CSMD3: variants seen among roughly 807,000 people sequenced by gnomAD.
The protein encoded by CSMD3 is CUB and sushi domain-containing protein 3.
CSMD3 carries 177 observed loss-of-function variants against 435.2 expected under a neutral mutation model. The observed-to-expected ratio is 0.41, with a 90% CI of 0.36 to 0.46. The LOEUF (loss-of-function observed/expected upper bound fraction) is 0.46, where lower values mean the gene tolerates loss of function less well. Among genes scored for constraint, CSMD3 ranks in the 20% least tolerant of loss-of-function variants. The pLI is 0.34. For missense variants in CSMD3, 4,265 were observed against 4,504.6 expected (o/e 0.95, Z 1.52); for synonymous variants, 1,656 against 1,520.5 (o/e 1.09, Z -2.07).
chr8:112,377,976 T>C (rs946736164), intron 38 of CSMD3, among the ~76,000 whole-genome samples: 2 of 152,036 alleles, frequency 1.3e-5, no homozygotes, highest in African/African-American at 4.8e-5. Flanking sequence ...CTAATCAAAA[T>C]ACTACTGGAA....
chr8:113,393,728 T>C (rs1263277556), intron 1 of CSMD3, among the ~76,000 whole-genome samples: 1 of 152,118 alleles, frequency 6.6e-6, no homozygotes, highest in Non-Finnish European at 1.5e-5. Flanking sequence ...AAAATAGTTT[T>C]ATTTGTGTTA....
intron 45 of CSMD3, among the ~76,000 whole-genome samples, chr8:112,326,502 A>C (rs1205459374): frequency 2.0e-5 from 3 of 152,184 alleles, no homozygotes; most frequent in Non-Finnish European, 4.4e-5. Flanking sequence ...AAAATATTAT[A>C]AAGTGCTTAG....
chr8:113,145,643 T>C (rs1276364567), intron 4 of CSMD3, among the ~76,000 whole-genome samples: 4 of 151,686 alleles, frequency 2.6e-5, no homozygotes. Context: ...GTTTACTTAA[T>C]AATATCTTAT....
intron 42 of CSMD3, among the ~76,000 whole-genome samples, chr8:112,337,995 T>C (rs1244099751): frequency 1.3e-5 from 2 of 152,214 alleles, no homozygotes; most frequent in African/African-American, 4.8e-5. Flanking sequence ...AACTAAATTA[T>C]GTTTTAATGA....
At chr8:112,690,433 T>G (rs1012166714) in intron 13 of CSMD3, among the ~76,000 whole-genome samples, 1 of 151,994 alleles carries the variant, frequency 6.6e-6, no homozygotes, top group African/African-American at 2.4e-5. Context: ...CTTATTCTTG[T>G]CATTTCTACA....
chr8:113,093,404 C>T (rs540365655), intron 5 of CSMD3, among the ~76,000 whole-genome samples: 1 of 152,180 alleles, frequency 6.6e-6, no homozygotes, highest in East Asian at 1.9e-4. Flanking sequence ...AAAGAAAAGA[C>T]ATCCCAGTGA....
At chr8:112,756,010 G>T (rs2077689610) in intron 13 of CSMD3, among the ~76,000 whole-genome samples, 1 of 151,862 alleles carries the variant, frequency 6.6e-6, no homozygotes, top group Non-Finnish European at 1.5e-5. Context: ...AATGGAATTG[G>T]TGCTACATAT....
Position 112,957,530 on chromosome 8 carries a change from T to C in CSMD3, c.1343-2769A>G, listed in dbSNP as rs556402596. Among the ~76,000 whole-genome samples the C allele has an allele frequency of 2.6e-5, 4 of 151,876 alleles. No individual in the cohort carries two copies. In the South Asian group the frequency reaches 6.2e-4, roughly 24 times the overall value. On this transcript the variant is annotated intron_variant, in intron 7 of 70. Coordinates refer to ENST00000297405, the MANE Select transcript of CSMD3 (RefSeq NM_198123.2). ...GTGCAGTGGCGCGATCTCGGCTCACTGGAACCTCCGTCCCCCGGATTCAAG... is the reference window on the plus strand; with the variant it reads ...GTGCAGTGGCGCGATCTCGGCTCACCGGAACCTCCGTCCCCCGGATTCAAG...
At chr8:113,404,826 T>C (rs1178698065) in intron 1 of CSMD3, among the ~76,000 whole-genome samples, 2 of 151,402 alleles carry the variant, frequency 1.3e-5, no homozygotes, top group African/African-American at 4.8e-5. Context: ...ATAATTCAAT[T>C]AAGAAATTAT....
intron 13 of CSMD3, among the ~76,000 whole-genome samples, chr8:112,714,159 T>G (rs1254981230): frequency 6.6e-6 from 1 of 151,844 alleles, no homozygotes; most frequent in Non-Finnish European, 1.5e-5. Flanking sequence ...CCCATCAGTG[T>G]GCTGTATTCA....
At chr8:113,401,030 A>G (rs898580320) in intron 1 of CSMD3, among the ~76,000 whole-genome samples, 3 of 151,822 alleles carry the variant, frequency 2.0e-5, no homozygotes, top group African/African-American at 7.2e-5. Flanking sequence ...GTAAAACAGT[A>G]GAAATATAAT....
At chr8:112,693,258 A>T (rs1359313461) in intron 13 of CSMD3, among the ~76,000 whole-genome samples, 1 of 152,124 alleles carries the variant, frequency 6.6e-6, no homozygotes, top group Non-Finnish European at 1.5e-5. Flanking sequence ...ATTAAACAGG[A>T]AGTAGTTGTG....
chr8:112,965,024 G>C (rs2084365843), intron 7 of CSMD3, among the ~76,000 whole-genome samples: 1 of 151,932 alleles, frequency 6.6e-6, no homozygotes, highest in South Asian at 2.1e-4. Context: ...TGCAAGGAAA[G>C]CAGCTTGTTG....
chr8:112,829,922 C>T (rs966970223), intron 11 of CSMD3, 133 bp from the exon 12 acceptor site: 1 of 428,186 alleles, frequency 2.3e-6, no homozygotes. Flanking sequence ...CACACACACA[C>T]ACACAAGCAG....
At chr8:113,173,981 T>G in intron 3 of CSMD3, 65 bp from the exon 4 acceptor site, 3 of 1,088,874 alleles carry the variant, frequency 2.8e-6, no homozygotes, top group Non-Finnish European at 4.2e-6. Context: ...GTTTTAGATG[T>G]ATAAAATTAT....
chr8:112,857,139 T>C (rs530474976), intron 11 of CSMD3, among the ~76,000 whole-genome samples: 3 of 151,678 alleles, frequency 2.0e-5, no homozygotes, highest in Non-Finnish European at 4.4e-5. Context: ...AGGTAAAATA[T>C]AATCCTTATT....
intron 64 of CSMD3, among the ~76,000 whole-genome samples, chr8:112,244,872 TAG>T (rs1814561449): frequency 6.6e-6 from 1 of 152,056 alleles, no homozygotes; most frequent in African/African-American, 2.4e-5. Flanking sequence ...TTTACCATTT[TAG>T]AGAGTCACAC....
chr8:113,172,714 T>C (rs1189040776), intron 4 of CSMD3, among the ~76,000 whole-genome samples: 6 of 152,190 alleles, frequency 3.9e-5, no homozygotes, highest in Non-Finnish European at 4.4e-5. Flanking sequence ...TTGTGGTGCA[T>C]GTATTTGCAG....
chr8:112,868,559 T>A (rs1018382483), intron 10 of CSMD3, among the ~76,000 whole-genome samples: 2 of 152,162 alleles, frequency 1.3e-5, no homozygotes, highest in African/African-American at 4.8e-5. Context: ...TATAAATTTT[T>A]CGGCTTCATT....
Sources: allele counts gnomAD v4.1 joint callset (sites outside exome capture counted in the v4.1 genomes callset), GRCh38; gene constraint gnomAD v4.1.1; transcripts MANE v1.5; gene names NCBI Gene and HGNC (gene_info 2026-07-23, HGNC 2026-07-21).